Variants in ZNF431 observed in about 807,000 individuals in gnomAD.
ZNF431 encodes the protein zinc finger protein 431.
ZNF431 carries 34 observed loss-of-function variants against 57.0 expected under a neutral mutation model. The ratio of observed to expected loss-of-function variants is 0.60; its 90% confidence interval spans 0.45 to 0.79. The LOEUF (loss-of-function observed/expected upper bound fraction) is 0.79, where lower values mean the gene tolerates loss of function less well. Among genes scored for constraint, ZNF431 ranks in the 30% least tolerant of loss-of-function variants. ZNF431 has a pLI of 0.00. For synonymous variants in ZNF431, 207 were observed against 220.3 expected, an observed-to-expected ratio of 0.94 and a Z score of 0.54; for missense variants, 607 against 667.1, an observed-to-expected ratio of 0.91 and a Z score of 0.99.
intron 2 of ZNF431, among the ~76,000 whole-genome samples, chr19:21,161,296 A>C (rs543945764): frequency 1.3e-5 from 2 of 152,340 alleles, no homozygotes; most frequent in East Asian, 3.9e-4. Context: ...ATAGATGTGT[A>C]CAAAAAAACT....
chr19:21,156,268 A>G (rs61109613), intron 2 of ZNF431, among the ~76,000 whole-genome samples: 110 of 152,362 alleles, frequency 7.2e-4, no homozygotes, highest in African/African-American at 2.5e-3. Flanking sequence ...GCCTACAGGC[A>G]CACAGAAATA....
At chr19:21,143,040 A>G (rs755180984) in intron 1 of ZNF431, among the ~76,000 whole-genome samples, 1 of 152,054 alleles carries the variant, frequency 6.6e-6, no homozygotes, top group Non-Finnish European at 1.5e-5. Flanking sequence ...TCTAACCCCC[A>G]TTCCTCATTT....
intron 4 of ZNF431, among the ~76,000 whole-genome samples, chr19:21,168,679 T>C (rs2145001397): frequency 6.6e-6 from 1 of 152,172 alleles, no homozygotes; most frequent in Non-Finnish European, 1.5e-5. Context: ...ATGAAATATT[T>C]TAAAATTTAT....
chr19:21,186,544 T>TA lies in ZNF431; in HGVS notation c.*2516dup, dbSNP rs890652289. On this transcript the variant is annotated 3_prime_UTR_variant, in exon 5 of 5. Transcript: ENST00000311048. ...GGTGACTACTATAAAACTAAAAACC[T>TA]AAAAAATGCTGAAAGCAAATGTATA... 3.9e-5 allele frequency: 6 copies of TA among 152,174 alleles called. No individual in the cohort carries two copies. Among genetic ancestry groups the TA allele is most frequent in the African/African-American group, 1.4e-4 (6 of 41,456 alleles). 9.4% of individuals were successfully genotyped at this position (152,174 alleles called of 1,614,324 possible).
rs998152316 is a variant in ZNF431, at chr19:21,189,994, A to G, written c.*5960A>G. ...CCCCATCTCTACTAAAAATACAAAA[A>G]CAACAAAACAAAAACAAAAAACACC... On this transcript the variant is annotated 3_prime_UTR_variant, in exon 5 of 5. Transcript: ENST00000311048. 2.5e-6 allele frequency: 1 copy of G among 395,912 alleles called. No homozygotes were observed. The highest frequency in any genetic ancestry group is 2.1e-5 in the African/African-American group (1 of 48,548). 24.5% of individuals were successfully genotyped at this position (395,912 alleles called of 1,614,324 possible). A position where few individuals can be genotyped will look rare whatever the true frequency, so the allele number is the denominator to read the frequency against.
Position 21,165,564 on chromosome 19 carries a change from T to C in ZNF431, c.97-771T>C, listed in dbSNP as rs1474314698. On this transcript the variant is annotated intron_variant, in intron 2 of 4. Transcript: ENST00000311048. ...GAAATTTGTTCTAGTGTAGTTGATGTTAATAATTTACTTGGTTAAAGAGCT... is the reference window on the plus strand; with the variant it reads ...GAAATTTGTTCTAGTGTAGTTGATGCTAATAATTTACTTGGTTAAAGAGCT... Among the ~76,000 whole-genome samples, 4 of 152,222 alleles carry C rather than the reference T, an allele frequency of 2.6e-5. No homozygotes were observed. The East Asian group carries it at 5.8e-4, about 22-fold the overall frequency.
intron 2 of ZNF431, among the ~76,000 whole-genome samples, chr19:21,148,224 T>A (rs989148250): frequency 6.6e-6 from 1 of 152,148 alleles, no homozygotes; most frequent in Non-Finnish European, 1.5e-5. Flanking sequence ...CTCGAACTCC[T>A]GACCTTGTGA....
At position 21,196,014 on chromosome 19, in the gene ZNF431, A is replaced by G. The variant is rs1026026572; in HGVS notation, c.*11980A>G. The G allele has an allele frequency of 4.6e-5, 7 of 152,046 alleles. No homozygotes were observed. The highest frequency in any genetic ancestry group is 7.3e-5 in the Non-Finnish European group (5 of 68,028). 9.4% of individuals were successfully genotyped at this position (152,046 alleles called of 1,614,324 possible). ...TGTTATCTGGTTATAAATTTTATAT[A>G]GCATTCAATTTGACAAAATATAAAT... On this transcript the variant is annotated 3_prime_UTR_variant, in exon 5 of 5. Coordinates refer to ENST00000311048, the MANE Select transcript of ZNF431 (RefSeq NM_133473.4).
intron 2 of ZNF431, among the ~76,000 whole-genome samples, chr19:21,148,985 C>G (rs1008827164): frequency 6.6e-6 from 1 of 152,176 alleles, no homozygotes; most frequent in Non-Finnish European, 1.5e-5. Flanking sequence ...AATTGTACAA[C>G]ATTTCTTGCA....
chr19:21,153,214 A>G lies in ZNF431; in HGVS notation c.96+9571A>G, dbSNP rs1017727087. On this transcript the variant is annotated intron_variant, in intron 2 of 4. Transcript: ENST00000311048. The stretch of plus-strand genomic sequence containing the variant: ...ATGTTAATTTTGGTGGGTTTTATCC[A>G]GCTTCTATACTGCAAACTGTGTTAT... Among the ~76,000 whole-genome samples, 4 of 152,194 alleles carry G rather than the reference A, an allele frequency of 2.6e-5. No individual in the cohort carries two copies. The South Asian group carries it at 8.3e-4, about 32-fold the overall frequency.
Position 21,183,203 on chromosome 19 carries a change from C to T in ZNF431, c.900C>T (p.Ser300=). Residue 300 remains serine (S), a synonymous_variant, in exon 5 of 5, where the codon TCC becomes TCT. Coordinates refer to ENST00000311048, the MANE Select transcript of ZNF431 (RefSeq NM_133473.4). ...CEECGKAFNR[S]SHLTTHKIIH... ...AATGTGGCAAAGCCTTCAACCGGTC[C>T]TCACACCTTACTACACATAAGATAA... is the stretch of plus-strand genomic sequence containing the variant. 4 of 1,613,704 alleles carry T rather than the reference C, an allele frequency of 2.5e-6. No homozygotes were observed. Among genetic ancestry groups the T allele is most frequent in the Non-Finnish European group, 3.4e-6 (4 of 1,179,882 alleles).
chr19:21,175,602 G>A lies in ZNF431; in HGVS notation c.320-7021G>A, dbSNP rs1449973508. 5 of 515,526 alleles carry A rather than the reference G, an allele frequency of 9.7e-6. No individual in the cohort carries two copies. The African/African-American group carries it at 9.9e-5, about 10-fold the overall frequency. The allele number at this position is 515,526 out of a possible 1,614,324, so 31.9% of individuals were successfully genotyped here. ...CTCCCTCCCCGTGACAGACCCCAGT[G>A]TGTGTTGTTTCCCTCCATATGTCCA... On this transcript the variant is annotated intron_variant, in intron 4 of 4. Coordinates refer to ENST00000311048, the MANE Select transcript of ZNF431 (RefSeq NM_133473.4).
intron 4 of ZNF431, among the ~76,000 whole-genome samples, chr19:21,179,074 C>T (rs1228204840): frequency 2.0e-5 from 3 of 152,150 alleles, no homozygotes; most frequent in African/African-American, 7.2e-5. Flanking sequence ...AGCGATTCAA[C>T]TTCTTCCTGG....
chr19:21,159,980 GC>G (rs1223537067), intron 2 of ZNF431, among the ~76,000 whole-genome samples: 9 of 77,560 alleles, frequency 1.2e-4, no homozygotes, highest in South Asian at 9.9e-4. Flanking sequence ...TGTTGCCTCA[GC>G]CTTTTTTTTT....
intron 4 of ZNF431, among the ~76,000 whole-genome samples, chr19:21,173,803 A>G (rs1172803951): frequency 1.3e-5 from 2 of 152,154 alleles, no homozygotes; most frequent in Non-Finnish European, 2.9e-5. Flanking sequence ...CTGGGATTAC[A>G]TGCGTGAGCC....
chr19:21,158,941 T>G (rs1970499116), intron 2 of ZNF431, among the ~76,000 whole-genome samples: 1 of 152,234 alleles, frequency 6.6e-6, no homozygotes. Context: ...CCATTCAGTA[T>G]GTTGGCTGTA....
At position 21,185,550 on chromosome 19, in the gene ZNF431, T is replaced by C. The variant is rs1012884761; in HGVS notation, c.*1516T>C. Reference sequence around the variant, plus strand: ...ATCTCAGCTCACTACAACCTCTGCCTTCTGGTTTCAAGCAACTCTTCTGCC... The same window carrying C: ...ATCTCAGCTCACTACAACCTCTGCCCTCTGGTTTCAAGCAACTCTTCTGCC... On this transcript the variant is annotated 3_prime_UTR_variant, in exon 5 of 5. Coordinates refer to ENST00000311048, the MANE Select transcript of ZNF431 (RefSeq NM_133473.4). 2.0e-5 allele frequency: 3 copies of C among 152,226 alleles called. No homozygotes were observed. The highest frequency in any genetic ancestry group is 7.2e-5 in the African/African-American group (3 of 41,450). 9.4% of individuals were successfully genotyped at this position (152,226 alleles called of 1,614,324 possible).
At position 21,154,521 on chromosome 19, in the gene ZNF431, T is replaced by C. The variant is rs140812238; in HGVS notation, c.96+10878T>C. Among the ~76,000 whole-genome samples the C allele has an allele frequency of 7.2e-5, 11 of 152,350 alleles. No individual in the cohort carries two copies. In the East Asian group the frequency reaches 7.7e-4, roughly 11 times the overall value. ...TTATAGCAGCATGATTTATAAACTTTTGGGTATATACCCAGTAATGGGATT... is the reference window on the plus strand; with the variant it reads ...TTATAGCAGCATGATTTATAAACTTCTGGGTATATACCCAGTAATGGGATT... On this transcript the variant is annotated intron_variant, in intron 2 of 4. Coordinates refer to ENST00000311048, the MANE Select transcript of ZNF431 (RefSeq NM_133473.4).
At chr19:21,178,715 G>A (rs929733151) in intron 4 of ZNF431, among the ~76,000 whole-genome samples, 38 of 151,880 alleles carry the variant, frequency 2.5e-4, no homozygotes, top group African/African-American at 6.3e-4. Flanking sequence ...GCTTTTTGAC[G>A]TGCTGCTGGA....
Sources: allele counts gnomAD v4.1 joint callset (sites outside exome capture counted in the v4.1 genomes callset), GRCh38; gene constraint gnomAD v4.1.1; transcripts MANE v1.5; gene names NCBI Gene and HGNC (gene_info 2026-07-23, HGNC 2026-07-21).